Variants in ELP3 observed in about 807,000 individuals in gnomAD.
ELP3 encodes the protein elongator complex protein 3.
Under a neutral mutation model 74.9 loss-of-function variants are expected in ELP3, and 56 were observed. The observed-to-expected ratio is 0.75, with a 90% CI of 0.60 to 0.93. ELP3 has a LOEUF of 0.93. Ranked by LOEUF, ELP3 falls within the 40% of genes least tolerant of loss-of-function variation. ELP3 has a pLI of 0.00. For missense variants in ELP3, 573 were observed against 686.5 expected, an observed-to-expected ratio of 0.83 and a Z score of 1.85; for synonymous variants, 222 against 239.8, an observed-to-expected ratio of 0.93 and a Z score of 0.68.
intron 3 of ELP3, 86 bp from the exon 4 acceptor site, chr8:28,106,627 T>C (rs1478026764): frequency 9.6e-7 from 1 of 1,046,664 alleles, no homozygotes; most frequent in Non-Finnish European, 1.4e-6. Flanking sequence ...GTTGCATTCC[T>C]CTCCTTCCTT....
intron 11 of ELP3, among the ~76,000 whole-genome samples, chr8:28,156,490 C>T (rs774740575): frequency 2.6e-5 from 4 of 152,214 alleles, no homozygotes; most frequent in Non-Finnish European, 5.9e-5. Flanking sequence ...CAGATATTTA[C>T]TAAACATCTC....
Position 28,106,699 on chromosome 8 carries a change from T to C in ELP3, c.259-14T>C. 1.2e-6 allele frequency: 2 copies of C among 1,609,198 alleles called. No homozygotes were observed. The highest frequency in any genetic ancestry group is 1.3e-5 in the African/African-American group (1 of 74,914). The stretch of plus-strand genomic sequence containing the variant: ...TATCCTATAATAGCTTTTTTATTCA[T>C]CTTTCTTTTATAGATTGCTGTCGTG... On this transcript the variant is annotated splice_polypyrimidine_tract_variant and intron_variant, in intron 3 of 14. Transcript: ENST00000256398.
At chr8:28,154,763 T>C (rs1189808908) in intron 10 of ELP3, among the ~76,000 whole-genome samples, 3 of 152,214 alleles carry the variant, frequency 2.0e-5, no homozygotes, top group African/African-American at 7.2e-5. Context: ...GTTCCAAAGA[T>C]AGAAATTTAT....
At chr8:28,187,096 G>A (rs1418694848) in intron 14 of ELP3, among the ~76,000 whole-genome samples, 1 of 152,090 alleles carries the variant, frequency 6.6e-6, no homozygotes, top group Non-Finnish European at 1.5e-5. Context: ...TGTTTCTCCA[G>A]ACTCTTCCTT....
chr8:28,102,625 T>G (rs1222703379), intron 3 of ELP3, among the ~76,000 whole-genome samples: 1 of 152,196 alleles, frequency 6.6e-6, no homozygotes, highest in African/African-American at 2.4e-5. Flanking sequence ...GTTTTAGGTT[T>G]ATAGAGAAAA....
At chr8:28,123,887 A>G (rs1585671387) in intron 7 of ELP3, among the ~76,000 whole-genome samples, 1 of 149,404 alleles carries the variant, frequency 6.7e-6, no homozygotes, top group South Asian at 2.1e-4. Flanking sequence ...CTTTCCACCC[A>G]TGTTTCTTTA....
intron 3 of ELP3, among the ~76,000 whole-genome samples, chr8:28,101,590 CTTTT>C (rs11406521): frequency 7.0e-6 from 1 of 142,978 alleles, no homozygotes; most frequent in Admixed American, 7.0e-5. Context: ...TCTTGACTTT[CTTTT>C]TTTTTTTTTT....
intron 2 of ELP3, 116 bp from the exon 3 acceptor site, chr8:28,099,712 C>A: frequency 1.8e-6 from 2 of 1,131,766 alleles, no homozygotes; most frequent in Non-Finnish European, 2.6e-6. Flanking sequence ...ATCCTTGTCA[C>A]GTGGTGAAGG....
Position 28,132,548 on chromosome 8 carries a change from A to G in ELP3, c.906+144A>G, listed in dbSNP as rs1345154829. 2.0e-5 allele frequency: 21 copies of G among 1,059,958 alleles called. No homozygotes were observed. The East Asian group carries it at 4.7e-4, about 24-fold the overall frequency. The allele number at this position is 1,059,958 out of a possible 1,614,324, so 65.7% of individuals were successfully genotyped here. ...TAGAATATTAGAAACACAGTAGGGT[A>G]AGAGACATCACCCATAGCCCCATCA... On this transcript the variant is annotated intron_variant, in intron 9 of 14. Transcript: ENST00000256398.
intron 14 of ELP3, among the ~76,000 whole-genome samples, chr8:28,178,957 CATT>C (rs1336138839): frequency 6.6e-6 from 1 of 152,162 alleles, no homozygotes. Context: ...CACAAGATAT[CATT>C]ATTATGTACA....
At position 28,110,593 on chromosome 8, in the gene ELP3, G is replaced by A. The variant is rs1811877981; in HGVS notation, c.462+155G>A. ...TATCCATTTGAGGGAGGGAGAATTT[G>A]CCATGCCTAGCAAGGTCAAAAACAC... On this transcript the variant is annotated intron_variant, in intron 6 of 14. Transcript: ENST00000256398. The A allele has an allele frequency of 8.1e-6, 5 of 617,474 alleles. No individual in the cohort carries two copies. The East Asian group carries it at 1.5e-4, about 18-fold the overall frequency. The allele number at this position is 617,474 out of a possible 1,614,324, so 38.2% of individuals were successfully genotyped here. A position where few individuals can be genotyped will look rare whatever the true frequency, so the allele number is the denominator to read the frequency against.
chr8:28,131,386 T>A (rs200519968), intron 8 of ELP3, among the ~76,000 whole-genome samples: 1 of 152,254 alleles, frequency 6.6e-6, no homozygotes, highest in Non-Finnish European at 1.5e-5. Context: ...CTAGTGGCTG[T>A]CATTTTAAAT....
intron 14 of ELP3, among the ~76,000 whole-genome samples, chr8:28,188,623 G>A (rs890397793): frequency 3.3e-5 from 5 of 152,222 alleles, no homozygotes; most frequent in Non-Finnish European, 7.3e-5. Context: ...ACCCCAACGC[G>A]GTGGGGACAA....
At chr8:28,123,847 C>T (rs1014081912) in intron 7 of ELP3, among the ~76,000 whole-genome samples, 1 of 149,954 alleles carries the variant, frequency 6.7e-6, no homozygotes, top group Non-Finnish European at 1.5e-5. Flanking sequence ...TTACTGTTTG[C>T]CCTGTGTATT....
chr8:28,135,206 G>GCGTGAGCC (rs1812938555), intron 9 of ELP3, among the ~76,000 whole-genome samples: 1 of 152,224 alleles, frequency 6.6e-6, no homozygotes, highest in African/African-American at 2.4e-5. Flanking sequence ...GGGATTACAG[G>GCGTGAGCC]CGTGAGCCAC....
At position 28,137,890 on chromosome 8, in the gene ELP3, A is replaced by G; in HGVS notation, c.1099A>G (p.Arg367Gly). The change falls in exon 10 of 15, where the codon AGG becomes GGG. Residue 367 changes from arginine to glycine, a missense_variant and splice_region_variant. By Grantham distance (125) the Arg-to-Gly change is moderately radical (BLOSUM62 -2). Coordinates refer to ENST00000256398, the MANE Select transcript of ELP3 (RefSeq NM_018091.6). Reference protein sequence around the residue: ...PPWTRVYRVQRDIPMPLVSSG... With the variant: ...PPWTRVYRVQGDIPMPLVSSG... ...ATGGACTCGAGTGTACCGAGTACAGAGGTAGTGTGTTATCTTTTATTCCTA... is the reference window on the plus strand; with the variant it reads ...ATGGACTCGAGTGTACCGAGTACAGGGGTAGTGTGTTATCTTTTATTCCTA... 6.3e-7 allele frequency: 1 copy of G among 1,584,906 alleles called. No individual in the cohort carries two copies. The highest frequency in any genetic ancestry group is 8.5e-7 in the Non-Finnish European group (1 of 1,171,094).
intron 9 of ELP3, among the ~76,000 whole-genome samples, chr8:28,134,562 A>G (rs1296275514): frequency 2.0e-5 from 3 of 152,240 alleles, no homozygotes; most frequent in Admixed American, 6.5e-5. Flanking sequence ...GAAATTGATA[A>G]GAGGCAAACA....
intron 5 of ELP3, among the ~76,000 whole-genome samples, chr8:28,108,544 C>T (rs1055630493): frequency 6.7e-6 from 1 of 149,498 alleles, no homozygotes; most frequent in African/African-American, 2.5e-5. Context: ...GCAACCTCCA[C>T]CTCCTGGGTT....
At chr8:28,108,407 G>A (rs914472731) in intron 5 of ELP3, among the ~76,000 whole-genome samples, 8 of 151,254 alleles carry the variant, frequency 5.3e-5, no homozygotes, top group African/African-American at 1.9e-4. Flanking sequence ...CACTTTAGCA[G>A]TGGAAAATGG....
Sources: allele counts gnomAD v4.1 joint callset (sites outside exome capture counted in the v4.1 genomes callset), GRCh38; gene constraint gnomAD v4.1.1; transcripts MANE v1.5; gene names NCBI Gene and HGNC (gene_info 2026-07-23, HGNC 2026-07-21).